Variants in GSK3B observed in about 807,000 individuals in gnomAD.
GSK3B encodes glycogen synthase kinase-3 beta.
GSK3B carries 15 observed loss-of-function variants against 56.4 expected under a neutral mutation model. That is an observed-to-expected ratio of 0.27 (90% CI 0.18 to 0.41). GSK3B has a LOEUF of 0.41. GSK3B is among the 10% of genes least tolerant of loss of function. The pLI is 1.00. For missense variants in GSK3B, 300 were observed against 513.4 expected (o/e 0.58, Z 4.02); for synonymous variants, 181 against 188.9 (o/e 0.96, Z 0.34).
intron 1 of GSK3B, among the ~76,000 whole-genome samples, chr3:120,024,453 G>C (rs755442552): frequency 1.3e-5 from 2 of 152,126 alleles, no homozygotes; most frequent in African/African-American, 4.8e-5. Flanking sequence ...ATACAGCCTA[G>C]TTAACTACTA....
intron 1 of GSK3B, among the ~76,000 whole-genome samples, chr3:120,040,939 C>T (rs967315920): frequency 6.6e-6 from 1 of 151,988 alleles, no homozygotes; most frequent in African/African-American, 2.4e-5. Context: ...AACCTATTCC[C>T]TCCCAGCCTA....
intron 7 of GSK3B, among the ~76,000 whole-genome samples, chr3:119,902,606 A>G (rs980283363): frequency 5.3e-5 from 8 of 152,176 alleles, no homozygotes; most frequent in African/African-American, 1.9e-4. Context: ...CATGTTGGTC[A>G]GGCTGGTCTT....
At chr3:119,871,282 G>A (rs2056247135) in intron 8 of GSK3B, among the ~76,000 whole-genome samples, 1 of 152,252 alleles carries the variant, frequency 6.6e-6, no homozygotes, top group African/African-American at 2.4e-5. Context: ...GATTCACTAT[G>A]AAGCATATTG....
intron 1 of GSK3B, among the ~76,000 whole-genome samples, chr3:120,004,435 C>T (rs913996176): frequency 6.6e-6 from 1 of 152,186 alleles, no homozygotes; most frequent in Non-Finnish European, 1.5e-5. Flanking sequence ...CATGGCGTTT[C>T]AGCTCCCGAT....
chr3:120,026,540 CACACACACACACAA>C (rs1179114227), intron 1 of GSK3B, among the ~76,000 whole-genome samples: 7 of 143,452 alleles, frequency 4.9e-5, no homozygotes, highest in South Asian at 2.1e-4. Flanking sequence ...CACACACACA[CACACACACACACAA>C]ACACACACAC....
At chr3:119,956,194 G>T (rs1471859725) in intron 2 of GSK3B, among the ~76,000 whole-genome samples, 3 of 152,184 alleles carry the variant, frequency 2.0e-5, no homozygotes, top group African/African-American at 7.2e-5. Flanking sequence ...CAGTTCAGTG[G>T]CCGGGGAAGC....
rs184231170 is a variant in GSK3B at position 119,840,935 on chromosome 3, T to A, written c.1195+2320A>T. Among the ~76,000 whole-genome samples the A allele has an allele frequency of 3.3e-5, 5 of 152,330 alleles. No homozygotes were observed. The East Asian group carries it at 7.7e-4, about 23-fold the overall frequency. ...TTCTAAGCCACCAGTGTGCTTTCAA[T>A]CTAATGAACAATGGGAAATTTTAAC... On this transcript the variant is annotated intron_variant, in intron 10 of 10. Transcript: ENST00000264235.
At chr3:119,981,163 A>G (rs1434641300) in intron 2 of GSK3B, among the ~76,000 whole-genome samples, 1 of 152,238 alleles carries the variant, frequency 6.6e-6, no homozygotes, top group East Asian at 1.9e-4. Flanking sequence ...CACCTAGCAC[A>G]TAATTAAAAT....
intron 2 of GSK3B, among the ~76,000 whole-genome samples, chr3:119,989,184 G>T (rs1260910483): frequency 1.3e-5 from 2 of 152,088 alleles, no homozygotes; most frequent in Non-Finnish European, 2.9e-5. Flanking sequence ...AGGGTGCCCA[G>T]AATCCTTCAC....
intron 2 of GSK3B, among the ~76,000 whole-genome samples, chr3:119,987,915 G>C (rs2057531379): frequency 6.6e-6 from 1 of 152,084 alleles, no homozygotes; most frequent in South Asian, 2.1e-4. Context: ...ATATATATTA[G>C]TGTACATTTT....
At chr3:119,886,234 C>A (rs945384244) in intron 7 of GSK3B, among the ~76,000 whole-genome samples, 4 of 151,910 alleles carry the variant, frequency 2.6e-5, no homozygotes, top group Non-Finnish European at 5.9e-5. Flanking sequence ...GGGCAGAACA[C>A]GTGAACAGAA....
chr3:120,049,948 T>C (rs1022054510), intron 1 of GSK3B, among the ~76,000 whole-genome samples: 3 of 152,210 alleles, frequency 2.0e-5, no homozygotes, highest in Admixed American at 6.5e-5. Flanking sequence ...TATGACAGAA[T>C]ACATGAGACT....
chr3:119,855,099 C>G (rs1486845258), intron 9 of GSK3B, among the ~76,000 whole-genome samples: 1 of 152,142 alleles, frequency 6.6e-6, no homozygotes, highest in Admixed American at 6.5e-5. Context: ...AAATGTGTCC[C>G]AGAGATTCTG....
chr3:120,087,997 A>T (rs1266822126), intron 1 of GSK3B, among the ~76,000 whole-genome samples: 4 of 151,986 alleles, frequency 2.6e-5, no homozygotes, highest in African/African-American at 9.7e-5. Flanking sequence ...GGTTCAAACG[A>T]TTCTCCTGCC....
intron 2 of GSK3B, among the ~76,000 whole-genome samples, chr3:119,965,680 T>C (rs113088503): frequency 0.018 from 2,696 of 152,318 alleles, 44 homozygotes; most frequent in Non-Finnish European, 0.026. Context: ...GAAACCCTAG[T>C]ACTGGTAGAT....
chr3:119,832,934 G>A (rs2055627379), intron 10 of GSK3B: 1 of 962,464 alleles, frequency 1.0e-6, no homozygotes, highest in South Asian at 4.8e-5. Flanking sequence ...TTATAGGACA[G>A]GATCTACAGC....
chr3:119,875,848 T>C (rs1387826866), intron 8 of GSK3B, among the ~76,000 whole-genome samples: 1 of 152,108 alleles, frequency 6.6e-6, no homozygotes, highest in Non-Finnish European at 1.5e-5. Context: ...TATCTAATGT[T>C]AAGGTTGGGT....
At chr3:120,010,756 C>CTAAATAAA (rs575769812) in intron 1 of GSK3B, among the ~76,000 whole-genome samples, 189 of 151,724 alleles carry the variant, frequency 1.2e-3, no homozygotes, top group African/African-American at 3.3e-3. Context: ...GACCCTGTCT[C>CTAAATAAA]TAAATAAATA....
intron 1 of GSK3B, among the ~76,000 whole-genome samples, chr3:120,006,100 A>G (rs1213082246): frequency 2.6e-5 from 4 of 151,872 alleles, no homozygotes; most frequent in Non-Finnish European, 4.4e-5. Context: ...AGCAAATGGA[A>G]AGCAAAAAAA....
Sources: allele counts gnomAD v4.1 joint callset (sites outside exome capture counted in the v4.1 genomes callset), GRCh38; gene constraint gnomAD v4.1.1; transcripts MANE v1.5; gene names NCBI Gene and HGNC (gene_info 2026-07-23, HGNC 2026-07-21).